Variants in MME observed in about 807,000 individuals in gnomAD.
MME encodes the protein neprilysin.
A neutral mutation model predicts 113.2 loss-of-function variants in MME; 98 were observed. The ratio of observed to expected loss-of-function variants is 0.87; its 90% CI spans 0.74 to 1.02. The LOEUF is 1.02. Ranked by LOEUF, MME falls within the 50% of genes least tolerant of loss-of-function variation. The pLI is 0.00. For missense variants in MME, 836 were observed against 896.0 expected, an observed-to-expected ratio of 0.93 and a Z score of 0.86; for synonymous variants, 292 against 300.6, an observed-to-expected ratio of 0.97 and a Z score of 0.30.
chr3:155,075,200 T>G (rs1199135613), upstream of MME, among the ~76,000 whole-genome samples: 1 of 152,068 alleles, frequency 6.6e-6, no homozygotes, highest in African/African-American at 2.4e-5. Context: ...ATTAATCTCT[T>G]TTTTTGGTAA....
intron 8 of MME, among the ~76,000 whole-genome samples, chr3:155,132,604 A>G (rs1027263774): frequency 2.2e-4 from 33 of 152,072 alleles, no homozygotes; most frequent in African/African-American, 7.7e-4. Context: ...TTGATTTGCT[A>G]TCTCAGAGCT....
At chr3:155,145,268 T>C (rs897690583) in intron 14 of MME, among the ~76,000 whole-genome samples, 1 of 152,084 alleles carries the variant, frequency 6.6e-6, no homozygotes, top group African/African-American at 2.4e-5. Flanking sequence ...TAAAGCCAGT[T>C]GGATTGTTCT....
intron 1 of MME, among the ~76,000 whole-genome samples, chr3:155,034,939 G>A (rs796249100): frequency 2.6e-5 from 4 of 152,122 alleles, no homozygotes; most frequent in African/African-American, 9.7e-5. Flanking sequence ...GCAGAATGGC[G>A]AAGTACATTG....
At chr3:155,058,511 C>T (rs1200471338) in intron 1 of MME, among the ~76,000 whole-genome samples, 4 of 152,102 alleles carry the variant, frequency 2.6e-5, no homozygotes, top group Non-Finnish European at 5.9e-5. Context: ...GTCTCTTTAC[C>T]ATTCCCTTAT....
chr3:155,164,264 C>G (rs888410957), intron 17 of MME, among the ~76,000 whole-genome samples: 1 of 151,676 alleles, frequency 6.6e-6, no homozygotes, highest in Non-Finnish European at 1.5e-5. Context: ...GAAAATAAAC[C>G]ACAGAAGTTG....
chr3:155,061,425 T>A (rs1282329988), intron 1 of MME, among the ~76,000 whole-genome samples: 1 of 125,108 alleles, frequency 8.0e-6, no homozygotes, highest in East Asian at 2.4e-4. Flanking sequence ...CACTCCAACC[T>A]GGGCGACAGA....
At chr3:155,039,844 T>A (rs1369754445) in intron 1 of MME, among the ~76,000 whole-genome samples, 1 of 152,200 alleles carries the variant, frequency 6.6e-6, no homozygotes, top group African/African-American at 2.4e-5. Context: ...AAATTATCTA[T>A]ATTTATGGTA....
In MME at chr3:155,148,572, A is replaced by G. The variant is rs367899772; in HGVS notation, c.1520A>G (p.Tyr507Cys). Residue 507 changes from tyrosine to cysteine, a missense_variant, in exon 16 of 23, where the codon TAC becomes TGC. Physicochemically the swap from Tyr to Cys is radical, Grantham distance 194. Coordinates refer to ENST00000360490, the MANE Select transcript of MME (RefSeq NM_007289.4). ...CAGTTGAACTACAAAGAAGATGAAT[A>G]CTTCGAGAACATAATTCAAAATTTG... ...YLELNYKEDE[Y>C]FENIIQNLKF... The G allele has an allele frequency of 2.1e-5, 33 of 1,608,894 alleles. No individual in the cohort carries two copies. Among genetic ancestry groups the G allele is most frequent in the Non-Finnish European group, 2.6e-5 (31 of 1,175,682 alleles).
At chr3:155,169,319 A>G (rs1256598467) in intron 20 of MME, among the ~76,000 whole-genome samples, 1 of 152,170 alleles carries the variant, frequency 6.6e-6, no homozygotes, top group East Asian at 1.9e-4. Context: ...CTTGTAGTCA[A>G]CCACACTATT....
At chr3:155,059,595 T>C (rs1714068809) in intron 1 of MME, among the ~76,000 whole-genome samples, 1 of 152,142 alleles carries the variant, frequency 6.6e-6, no homozygotes, top group Admixed American at 6.5e-5. Context: ...ATATTTTATG[T>C]TTCCCATAGA....
At chr3:155,149,457 G>T (rs546511082) in intron 16 of MME, among the ~76,000 whole-genome samples, 1 of 152,188 alleles carries the variant, frequency 6.6e-6, no homozygotes, top group African/African-American at 2.4e-5. Context: ...CTTGATTTGT[G>T]TGGTAACTAA....
intron 3 of MME, among the ~76,000 whole-genome samples, chr3:155,091,480 T>A (rs1039895188): frequency 2.0e-5 from 3 of 152,184 alleles, no homozygotes; most frequent in South Asian, 4.1e-4. Flanking sequence ...TAAGTGGTAC[T>A]CCAAAGGTTT....
At chr3:155,063,123 TTTATGTTATATAA>T (rs201058424) in intron 1 of MME, among the ~76,000 whole-genome samples, 10,418 of 137,680 alleles carry the variant, frequency 0.076, 653 homozygotes, top group African/African-American at 0.16. Flanking sequence ...ATGTTATATA[TTTATGTTATATAA>T]TTATGTTATA....
intron 3 of MME, among the ~76,000 whole-genome samples, chr3:155,113,161 T>A (rs547982393): frequency 2.6e-5 from 4 of 152,192 alleles, no homozygotes; most frequent in Admixed American, 2.6e-4. Flanking sequence ...ACAAGGAGTG[T>A]TTGTGACACA....
intron 20 of MME, 195 bp downstream of exon 20, chr3:155,168,992 G>A: frequency 1.8e-6 from 1 of 552,168 alleles, no homozygotes; most frequent in East Asian, 3.1e-5. Context: ...TGACGGAGCT[G>A]AACACTTAAG....
chr3:155,079,415 G>A (rs1714914206), upstream of MME, among the ~76,000 whole-genome samples: 1 of 152,066 alleles, frequency 6.6e-6, no homozygotes, highest in Admixed American at 6.5e-5. Context: ...AAGCCCCGAA[G>A]CTAAGCAATT....
intron 4 of MME, among the ~76,000 whole-genome samples, chr3:155,115,829 T>C (rs1263282414): frequency 6.6e-6 from 1 of 152,234 alleles, no homozygotes; most frequent in Non-Finnish European, 1.5e-5. Flanking sequence ...TTAAAGTTAC[T>C]GTAAGATGTT....
chr3:155,076,279 TTGTGGAAGAGTAGGGG>T (rs1477846987), upstream of MME, among the ~76,000 whole-genome samples: 1 of 152,210 alleles, frequency 6.6e-6, no homozygotes, highest in African/African-American at 2.4e-5. Flanking sequence ...TCTATGTTTC[TTGTGGAAGAGTAGGGG>T]TGAGGAGTCG....
chr3:155,108,947 TA>T (rs1200651709), intron 3 of MME, among the ~76,000 whole-genome samples: 2 of 152,114 alleles, frequency 1.3e-5, no homozygotes, highest in African/African-American at 4.8e-5. Context: ...AAGGCAGACT[TA>T]AGGTTGCGTC....
Sources: allele counts gnomAD v4.1 joint callset (sites outside exome capture counted in the v4.1 genomes callset), GRCh38; gene constraint gnomAD v4.1.1; transcripts MANE v1.5; gene names NCBI Gene and HGNC (gene_info 2026-07-23, HGNC 2026-07-21).